Variants in RDH10 observed in about 807,000 individuals in gnomAD.
The protein encoded by RDH10 is retinol dehydrogenase 10 (all-trans).
A neutral mutation model predicts 30.2 loss-of-function variants in RDH10; 12 were observed. That is an observed-to-expected ratio of 0.40 (90% CI 0.25 to 0.64). The LOEUF (loss-of-function observed/expected upper bound fraction) is 0.64. Among genes scored for constraint, RDH10 ranks in the 30% least tolerant of loss-of-function variants. The pLI, the probability that RDH10 is intolerant of heterozygous loss-of-function variation, is 0.43. For synonymous variants in RDH10, 189 were observed against 172.2 expected, an observed-to-expected ratio of 1.10 and a Z score of -0.76; for missense variants, 268 against 445.2, an observed-to-expected ratio of 0.60 and a Z score of 3.58.
intron 3 of RDH10, among the ~76,000 whole-genome samples, chr8:73,319,875 G>A (rs367947738): frequency 1.3e-5 from 2 of 152,170 alleles, no homozygotes; most frequent in South Asian, 4.1e-4. Flanking sequence ...TGTTCTTCAC[G>A]ATATTCAGAT....
intron 2 of RDH10, among the ~76,000 whole-genome samples, chr8:73,316,667 A>G (rs1452630208): frequency 6.6e-6 from 1 of 152,200 alleles, no homozygotes; most frequent in Admixed American, 6.5e-5. Context: ...TTTACAAAGA[A>G]AAGAAGTCTA....
chr8:73,298,287 A>G (rs147979119), intron 2 of RDH10, among the ~76,000 whole-genome samples: 2 of 152,356 alleles, frequency 1.3e-5, no homozygotes, highest in East Asian at 1.9e-4. Context: ...AGGAGTAAAG[A>G]AATAGGATTC....
At chr8:73,296,397 A>G (rs1378131062) in intron 1 of RDH10, among the ~76,000 whole-genome samples, 1 of 152,146 alleles carries the variant, frequency 6.6e-6, no homozygotes, top group African/African-American at 2.4e-5. Flanking sequence ...TCTCCCCTGT[A>G]TTGATAATTT....
At position 73,323,558 on chromosome 8, in the gene RDH10, A is replaced by C. The variant is rs576567405; in HGVS notation, c.*522A>C. 5 of 153,674 alleles carry C rather than the reference A, an allele frequency of 3.3e-5. No homozygotes were observed. In the East Asian group the frequency reaches 5.8e-4, roughly 18 times the overall value. The allele number at this position is 153,674 out of a possible 1,614,324, so 9.5% of individuals were successfully genotyped here. A position where few individuals can be genotyped will look rare whatever the true frequency, so the allele number is the denominator to read the frequency against. ...TTAGCTCTTTTGAAAAGGAATTTTG[A>C]AATCTCCATCAACTGAAGTAAATGA... On this transcript the variant is annotated 3_prime_UTR_variant, in exon 6 of 6. Transcript: ENST00000240285.
intron 2 of RDH10, among the ~76,000 whole-genome samples, chr8:73,306,084 C>T (rs1050792055): frequency 6.6e-6 from 1 of 152,200 alleles, no homozygotes; most frequent in Admixed American, 6.5e-5. Flanking sequence ...CTAAAGCATA[C>T]AGCTGGTCCC....
intron 2 of RDH10, among the ~76,000 whole-genome samples, chr8:73,316,488 T>A (rs1225923213): frequency 2.0e-5 from 3 of 152,190 alleles, no homozygotes; most frequent in Non-Finnish European, 4.4e-5. Context: ...ATAATTACTG[T>A]CATAATTACT....
At position 73,324,954 on chromosome 8, in the gene RDH10, C is replaced by T. The variant is rs1814844365; in HGVS notation, c.*1918C>T. 1 of 152,096 alleles carries T rather than the reference C, an allele frequency of 6.6e-6. No individual in the cohort carries two copies. The allele number at this position is 152,096 out of a possible 1,614,324, so 9.4% of individuals were successfully genotyped here. ...ATCAAAGATAACCAAACCTTATGGC[C>T]CTTATAACAATGGAGGCACTGGCTG... On this transcript the variant is annotated 3_prime_UTR_variant, in exon 6 of 6. Coordinates refer to ENST00000240285, the MANE Select transcript of RDH10 (RefSeq NM_172037.5).
chr8:73,313,581 A>T (rs1418471089), intron 2 of RDH10, among the ~76,000 whole-genome samples: 1 of 152,166 alleles, frequency 6.6e-6, no homozygotes, highest in East Asian at 1.9e-4. Flanking sequence ...TAATAGCCAA[A>T]GTCAGTTATT....
chr8:73,312,885 T>G (rs1814593624), intron 2 of RDH10: 1 of 152,260 alleles, frequency 6.6e-6, no homozygotes, highest in African/African-American at 2.4e-5. Flanking sequence ...TTCAAAACGA[T>G]TCTTTTAAAA....
In RDH10 at chr8:73,317,096, C is replaced by T. The variant is rs140281896; in HGVS notation, c.526-2000C>T. On this transcript the variant is annotated intron_variant, in intron 2 of 5. Transcript: ENST00000240285. ...TATTTGGAAGATTGATCTGGGTCTT[C>T]CAGCTTAGTCTGGGACAGTCAGACA... 3.9e-3 allele frequency among the ~76,000 whole-genome samples: 589 copies of T among 152,306 alleles called. 1 individual carries two copies. The highest frequency in any genetic ancestry group is 6.7e-3 in the Admixed American group (103 of 15,306).
chr8:73,301,855 T>A (rs1814385713), intron 2 of RDH10, among the ~76,000 whole-genome samples: 1 of 152,238 alleles, frequency 6.6e-6, no homozygotes, highest in Non-Finnish European at 1.5e-5. Context: ...TATTTTCTTT[T>A]GCTTTCCTAC....
intron 2 of RDH10, among the ~76,000 whole-genome samples, chr8:73,309,035 A>G (rs1814512397): frequency 6.6e-6 from 1 of 151,662 alleles, no homozygotes; most frequent in South Asian, 2.1e-4. Context: ...AAGAGGAACT[A>G]CTCTTCCCAC....
Position 73,325,011 on chromosome 8 carries a change from G to C in RDH10, c.*1975G>C, listed in dbSNP as rs999928264. 1 of 152,142 alleles carries C rather than the reference G, an allele frequency of 6.6e-6. No homozygotes were observed. Among genetic ancestry groups the C allele is most frequent in the Non-Finnish European group, 1.5e-5 (1 of 68,032 alleles). 9.4% of individuals were successfully genotyped at this position (152,142 alleles called of 1,614,324 possible). The stretch of plus-strand genomic sequence containing the variant: ...AATTTTCAATCATGGACCTAAAGAA[G>C]TACTCTGAAGGGTCTCAACAATGCC... On this transcript the variant is annotated 3_prime_UTR_variant, in exon 6 of 6. Coordinates refer to ENST00000240285, the MANE Select transcript of RDH10 (RefSeq NM_172037.5).
intron 2 of RDH10, among the ~76,000 whole-genome samples, chr8:73,302,939 G>A (rs1157161421): frequency 6.6e-6 from 1 of 152,154 alleles, no homozygotes; most frequent in Non-Finnish European, 1.5e-5. Context: ...GGAAGCAAAA[G>A]CATTTAACTC....
Position 73,323,054 on chromosome 8 carries a change from A to T in RDH10, c.*18A>T. On this transcript the variant is annotated 3_prime_UTR_variant, in exon 6 of 6. Coordinates refer to ENST00000240285, the MANE Select transcript of RDH10 (RefSeq NM_172037.5). ...GAATCTAAGAATCTTTTTGTATGGA[A>T]TATTACTTCTATCAGAAGATGATCA... The T allele has an allele frequency of 1.1e-5, 17 of 1,594,488 alleles. No individual in the cohort carries two copies. Among genetic ancestry groups the T allele is most frequent in the Non-Finnish European group, 1.5e-5 (17 of 1,162,548 alleles).
In RDH10 at chr8:73,323,080, A is replaced by T; in HGVS notation, c.*44A>T. 6.6e-7 allele frequency: 1 copy of T among 1,505,530 alleles called. No individual in the cohort carries two copies. The highest frequency in any genetic ancestry group is 9.2e-7 in the Non-Finnish European group (1 of 1,082,858). 93.3% of individuals were successfully genotyped at this position (1,505,530 alleles called of 1,614,324 possible). On this transcript the variant is annotated 3_prime_UTR_variant, in exon 6 of 6. Transcript: ENST00000240285. ...TATTACTTCTATCAGAAGATGATCAAGATGTTTCAGTCCAGTGCACATCAG... is the reference window on the plus strand; with the variant it reads ...TATTACTTCTATCAGAAGATGATCATGATGTTTCAGTCCAGTGCACATCAG...
chr8:73,310,515 C>T (rs1425901506), intron 2 of RDH10, among the ~76,000 whole-genome samples: 4 of 152,190 alleles, frequency 2.6e-5, no homozygotes, highest in Non-Finnish European at 4.4e-5. Context: ...TGGCTAAGCT[C>T]GCATGCATGT....
intron 2 of RDH10, chr8:73,315,730 C>G: frequency 1.0e-5 from 3 of 289,764 alleles, no homozygotes; most frequent in South Asian, 9.1e-5. Flanking sequence ...GTGAGTGATT[C>G]AGATTTGTCA....
At chr8:73,318,554 A>G (rs1814714096) in intron 2 of RDH10, among the ~76,000 whole-genome samples, 11 of 152,278 alleles carry the variant, frequency 7.2e-5, no homozygotes, top group Admixed American at 7.2e-4. Context: ...ACATCCTAAA[A>G]TACTTTGTCT....
Sources: gnomAD v4.1 joint callset for allele counts (sites outside exome capture counted in the v4.1 genomes callset) on GRCh38, gnomAD v4.1.1 for gene constraint, MANE v1.5 for transcripts, NCBI Gene and HGNC (gene_info 2026-07-23, HGNC 2026-07-21) for gene names.